The following ATP8A2 variants were observed in gnomAD, a reference collection of about 807,000 sequenced individuals.
The protein encoded by ATP8A2 is phospholipid-transporting ATPase IB.
In ATP8A2, 100 loss-of-function variants were observed where a neutral mutation model predicts 165.6. The ratio of observed to expected loss-of-function variants is 0.60; its 90% CI spans 0.51 to 0.71. The LOEUF is 0.71. ATP8A2 is among the 30% of genes least tolerant of loss of function. ATP8A2 has a pLI of 0.00. For synonymous variants in ATP8A2, 543 were observed against 548.8 expected (o/e 0.99, Z 0.15); for missense variants, 1,227 against 1,479.5 (o/e 0.83, Z 2.80).
chr13:25,618,756 A>T (rs1486295050), intron 24 of ATP8A2, among the ~76,000 whole-genome samples: 1 of 147,486 alleles, frequency 6.8e-6, no homozygotes, highest in Non-Finnish European at 1.5e-5. Flanking sequence ...GAGCAAGATG[A>T]TGCTTAGTAG....
intron 1 of ATP8A2, among the ~76,000 whole-genome samples, chr13:25,421,205 C>T (rs2034289537): frequency 6.6e-6 from 1 of 152,192 alleles, no homozygotes; most frequent in Admixed American, 6.5e-5. Flanking sequence ...AGTGGATAAC[C>T]AGATACTTAC....
At chr13:25,479,517 A>C (rs961118137) in intron 2 of ATP8A2, among the ~76,000 whole-genome samples, 1 of 151,740 alleles carries the variant, frequency 6.6e-6, no homozygotes, top group East Asian at 1.9e-4. Flanking sequence ...TTTATTGATC[A>C]TTCTTGGGTG....
chr13:25,952,846 G>GGTTT (rs919224413), intron 33 of ATP8A2, among the ~76,000 whole-genome samples: 2 of 152,192 alleles, frequency 1.3e-5, no homozygotes, highest in Non-Finnish European at 2.9e-5. Context: ...TGAGCAAATA[G>GGTTT]GTTTGGAATG....
At chr13:25,975,848 C>T (rs78977083) in intron 35 of ATP8A2, among the ~76,000 whole-genome samples, 1 of 152,284 alleles carries the variant, frequency 6.6e-6, no homozygotes, top group African/African-American at 2.4e-5. Context: ...CTGTGATACA[C>T]AGCATGCTTG....
At chr13:25,812,086 CT>C (rs1248804067) in intron 27 of ATP8A2, among the ~76,000 whole-genome samples, 7 of 151,906 alleles carry the variant, frequency 4.6e-5, no homozygotes, top group Admixed American at 3.9e-4. Context: ...ATGATAACCT[CT>C]TTAAATTACG....
chr13:25,841,239 T>C (rs948801221), intron 30 of ATP8A2, among the ~76,000 whole-genome samples: 2 of 152,244 alleles, frequency 1.3e-5, no homozygotes, highest in African/African-American at 4.8e-5. Context: ...CAGCAGTTGC[T>C]AACTTACCTA....
At chr13:25,598,424 T>A (rs2040294569) in intron 24 of ATP8A2, among the ~76,000 whole-genome samples, 1 of 152,196 alleles carries the variant, frequency 6.6e-6, no homozygotes, top group East Asian at 1.9e-4. Context: ...TCCGAAAATT[T>A]ATGTGTGGAT....
intron 2 of ATP8A2, among the ~76,000 whole-genome samples, chr13:25,513,832 C>T (rs1418474626): frequency 4.6e-5 from 7 of 152,232 alleles, no homozygotes; most frequent in Admixed American, 3.9e-4. Context: ...CGGCGCGCGC[C>T]TGCAATCGCA....
intron 24 of ATP8A2, among the ~76,000 whole-genome samples, chr13:25,591,096 AT>A (rs911758682): frequency 1.3e-5 from 2 of 148,886 alleles, no homozygotes; most frequent in African/African-American, 5.0e-5. Context: ...ACACGTCTTT[AT>A]TTTTCTCCAT....
Position 25,554,992 on chromosome 13 carries a change from A to G in ATP8A2, c.1187A>G (p.Asp396Gly). 5 of 1,590,884 alleles carry G rather than the reference A, an allele frequency of 3.1e-6. No homozygotes were observed. Among genetic ancestry groups the G allele is most frequent in the Non-Finnish European group, 4.3e-6 (5 of 1,160,178 alleles). The change falls in exon 13 of 37, where the codon GAC becomes GGC. Residue 396 changes from aspartate (D) to glycine (G), a missense_variant and splice_region_variant. Physicochemically the swap from Asp to Gly is moderately conservative, Grantham distance 94. Around this residue, in one of 5 missense-constraint regions of ATP8A2, gnomAD observed 592 missense variants for 785.6 expected, o/e 0.75. Coordinates refer to ENST00000381655, the MANE Select transcript of ATP8A2 (RefSeq NM_016529.6). Reference sequence around the variant, plus strand: ...TGTCTCTTGTTCTCTCTCTCTCAGGACACAGATATGTATTATATAGGAAAT... The same window carrying G: ...TGTCTCTTGTTCTCTCTCTCTCAGGGCACAGATATGTATTATATAGGAAAT... ...KYTQALFINW[D>G]TDMYYIGNDT...
intron 24 of ATP8A2, among the ~76,000 whole-genome samples, chr13:25,599,212 C>A (rs190310144): frequency 3.9e-4 from 59 of 152,316 alleles, no homozygotes; most frequent in African/African-American, 1.3e-3. Flanking sequence ...TGAGCTCTTT[C>A]TCTGTGCAGT....
intron 1 of ATP8A2, among the ~76,000 whole-genome samples, chr13:25,418,284 A>G (rs927267814): frequency 6.6e-6 from 1 of 152,182 alleles, no homozygotes; most frequent in Non-Finnish European, 1.5e-5. Flanking sequence ...GCTCTATGTT[A>G]AAGCAGCATC....
intron 33 of ATP8A2, among the ~76,000 whole-genome samples, chr13:25,932,915 C>T (rs1954803087): frequency 6.6e-6 from 1 of 152,146 alleles, no homozygotes; most frequent in Non-Finnish European, 1.5e-5. Context: ...GGCGTGATCT[C>T]GGCTCACTGC....
At position 26,021,509 on chromosome 13, in the gene ATP8A2, G is replaced by A. The variant is rs9553700; in HGVS notation, c.*1524G>A. 0.15 allele frequency: 22,504 copies of A among 152,154 alleles called. 2,301 individuals are homozygous for A. The highest frequency in any genetic ancestry group is 0.5 in the East Asian group (2,608 of 5,166). 9.4% of individuals were successfully genotyped at this position (152,154 alleles called of 1,614,324 possible). On this transcript the variant is annotated 3_prime_UTR_variant, in exon 37 of 37. Coordinates refer to ENST00000381655, the MANE Select transcript of ATP8A2 (RefSeq NM_016529.6). ...TATCTAAGACAAGGAAGTGAAGAGC[G>A]GAATCACTGACTTTCCCAACTGCAG...
intron 33 of ATP8A2, among the ~76,000 whole-genome samples, chr13:25,927,832 G>A (rs775712487): frequency 6.6e-6 from 1 of 152,206 alleles, no homozygotes; most frequent in Admixed American, 6.5e-5. Flanking sequence ...ATGAAATTGC[G>A]ATTGCTTTGT....
chr13:25,594,461 G>A (rs1029110825), intron 24 of ATP8A2, among the ~76,000 whole-genome samples: 1 of 152,054 alleles, frequency 6.6e-6, no homozygotes, highest in Non-Finnish European at 1.5e-5. Context: ...TAGTGAACAG[G>A]TGGTATTTGG....
At chr13:25,538,155 C>A in intron 7 of ATP8A2, 94 bp downstream of exon 7, 1 of 770,750 alleles carries the variant, frequency 1.3e-6, no homozygotes, top group East Asian at 2.6e-5. Context: ...AGCCTGTTCC[C>A]TTCTACCATC....
At chr13:25,601,444 ATAAT>A (rs1272489078) in intron 24 of ATP8A2, among the ~76,000 whole-genome samples, 3 of 152,092 alleles carry the variant, frequency 2.0e-5, no homozygotes, top group Non-Finnish European at 4.4e-5. Flanking sequence ...ATGTTTAGAA[ATAAT>A]TAAATTGTTT....
intron 25 of ATP8A2, among the ~76,000 whole-genome samples, chr13:25,755,117 A>T (rs1346211720): frequency 6.6e-6 from 1 of 152,198 alleles, no homozygotes; most frequent in Non-Finnish European, 1.5e-5. Context: ...TGACAGTTGC[A>T]TGTATTCGTA....
Sources: gnomAD v4.1 joint callset for allele counts (sites outside exome capture counted in the v4.1 genomes callset) on GRCh38, gnomAD v4.1.1 for gene constraint, gnomAD v4.1.1 regional missense constraint, MANE v1.5 for transcripts, NCBI Gene and HGNC (gene_info 2026-07-23, HGNC 2026-07-21) for gene names.